Variants in UMAD1 observed in about 807,000 individuals in gnomAD.
UMAD1 encodes the protein UBAP1-MVB12-associated (UMA) domain containing 1.
In UMAD1, 8 loss-of-function variants were observed where a neutral mutation model predicts 6.1. The observed-to-expected ratio is 1.30, with a 90% CI of 0.76 to 2.35. The LOEUF (loss-of-function observed/expected upper bound fraction) is 2.35, where lower values mean the gene tolerates loss of function less well. UMAD1 is among the 30% of genes most tolerant of loss of function. The probability of loss-of-function intolerance (pLI) is 0.00; values close to 1 mark genes in which losing one functional copy is unlikely to be tolerated. For missense variants in UMAD1, 130 were observed against 78.4 expected, an observed-to-expected ratio of 1.66 and a Z score of -2.49; for synonymous variants, 56 against 31.4, an observed-to-expected ratio of 1.78 and a Z score of -2.61.
chr7:7,825,386 C>A (rs1337039546), intron 3 of UMAD1, among the ~76,000 whole-genome samples: 1 of 152,120 alleles, frequency 6.6e-6, no homozygotes, highest in African/African-American at 2.4e-5. Flanking sequence ...ATACCTGAGA[C>A]TGGGCATTTT....
rs1017881126 is a variant in UMAD1 at position 7,678,034 on chromosome 7, G to C, written c.82+4581G>C. Among the ~76,000 whole-genome samples the C allele has an allele frequency of 2.3e-4, 35 of 152,154 alleles. 1 individual carries two copies. Among genetic ancestry groups the C allele is most frequent in the South Asian group, 1.7e-3 (8 of 4,826 alleles). On this transcript the variant is annotated intron_variant, in intron 2 of 3. Transcript: ENST00000682710. ...TTCTATATGTTGGCTATTGTGAATA[G>C]TACTGCAATAAACATGGGAATGTGG...
intron 2 of UMAD1, among the ~76,000 whole-genome samples, chr7:7,766,955 A>G (rs1010987931): frequency 6.6e-6 from 1 of 152,144 alleles, no homozygotes; most frequent in African/African-American, 2.4e-5. Flanking sequence ...TTCTATAGGC[A>G]TTCTTGCCTA....
At chr7:7,678,725 A>C (rs1779827228) in intron 2 of UMAD1, among the ~76,000 whole-genome samples, 1 of 114,102 alleles carries the variant, frequency 8.8e-6, no homozygotes, top group Admixed American at 9.3e-5. Context: ...GTTTATAAAT[A>C]TATATTTATA....
intron 3 of UMAD1, among the ~76,000 whole-genome samples, chr7:7,856,111 C>T (rs375608783): frequency 1.3e-5 from 2 of 152,228 alleles, no homozygotes; most frequent in African/African-American, 4.8e-5. Context: ...TTCTAGTCTT[C>T]TTCTGAGTCC....
At chr7:7,719,146 A>G (rs1780990952) in intron 2 of UMAD1, among the ~76,000 whole-genome samples, 1 of 152,202 alleles carries the variant, frequency 6.6e-6, no homozygotes. Flanking sequence ...TAGAGAGCTA[A>G]AAACACCTTT....
intron 2 of UMAD1, among the ~76,000 whole-genome samples, chr7:7,801,321 A>T (rs1010974524): frequency 6.6e-6 from 1 of 152,246 alleles, no homozygotes; most frequent in African/African-American, 2.4e-5. Flanking sequence ...CCATATCATA[A>T]AAGAGTTTTT....
At chr7:7,673,869 C>A (rs1312039380) in intron 2 of UMAD1, among the ~76,000 whole-genome samples, 1 of 152,268 alleles carries the variant, frequency 6.6e-6, no homozygotes, top group South Asian at 2.1e-4. Context: ...ACTTTAAAAT[C>A]TAAATATGTT....
chr7:7,723,468 T>G (rs1781086926), intron 2 of UMAD1, among the ~76,000 whole-genome samples: 1 of 152,160 alleles, frequency 6.6e-6, no homozygotes, highest in Admixed American at 6.5e-5. Context: ...CTAATCTCCC[T>G]TGGTTTAATG....
intron 1 of UMAD1, among the ~76,000 whole-genome samples, chr7:7,645,537 C>A (rs112739887): frequency 5.8e-4 from 89 of 152,310 alleles, no homozygotes; most frequent in African/African-American, 2.1e-3. Flanking sequence ...GAAGTGGACC[C>A]GCATTCAGCT....
At chr7:7,730,281 T>G (rs944235233) in intron 2 of UMAD1, among the ~76,000 whole-genome samples, 1 of 152,164 alleles carries the variant, frequency 6.6e-6, no homozygotes, top group Non-Finnish European at 1.5e-5. Context: ...TGCGATTTAC[T>G]CCTAGAGATT....
intron 3 of UMAD1, among the ~76,000 whole-genome samples, chr7:7,869,838 C>T (rs1366280901): frequency 6.6e-6 from 1 of 152,102 alleles, no homozygotes; most frequent in Non-Finnish European, 1.5e-5. Context: ...TTTCAAACAC[C>T]CAAGAGCGAG....
intron 2 of UMAD1, among the ~76,000 whole-genome samples, chr7:7,680,047 G>A (rs1427286144): frequency 6.6e-6 from 1 of 151,980 alleles, no homozygotes. Flanking sequence ...TTAACTTGAT[G>A]TAATCCCATT....
chr7:7,688,767 C>T (rs1332290427), intron 2 of UMAD1, among the ~76,000 whole-genome samples: 1 of 152,080 alleles, frequency 6.6e-6, no homozygotes, highest in Non-Finnish European at 1.5e-5. Flanking sequence ...TAACCCGCTG[C>T]GTATTTTATA....
intron 1 of UMAD1, among the ~76,000 whole-genome samples, chr7:7,648,719 T>TG (rs2115547925): frequency 6.6e-6 from 1 of 151,456 alleles, no homozygotes; most frequent in African/African-American, 2.4e-5. Flanking sequence ...GCCATGGTGG[T>TG]GTGTGTGCCT....
intron 2 of UMAD1, among the ~76,000 whole-genome samples, chr7:7,707,572 TATTAA>T (rs1439492692): frequency 6.6e-6 from 1 of 152,224 alleles, no homozygotes; most frequent in Non-Finnish European, 1.5e-5. Flanking sequence ...TTTCACTACT[TATTAA>T]GTAGAATGCA....
intron 1 of UMAD1, among the ~76,000 whole-genome samples, chr7:7,653,104 A>G (rs1183785560): frequency 1.3e-5 from 2 of 152,146 alleles, no homozygotes; most frequent in African/African-American, 2.4e-5. Flanking sequence ...TTATGTGGAG[A>G]GATGCTTTTT....
chr7:7,759,862 A>T (rs1267189256), intron 2 of UMAD1, among the ~76,000 whole-genome samples: 1 of 152,212 alleles, frequency 6.6e-6, no homozygotes, highest in African/African-American at 2.4e-5. Flanking sequence ...TCTGGGAGAC[A>T]GTCTGCCATA....
chr7:7,719,418 G>T (rs190192104), intron 2 of UMAD1, among the ~76,000 whole-genome samples: 2 of 152,344 alleles, frequency 1.3e-5, no homozygotes, highest in Admixed American at 1.3e-4. Flanking sequence ...TCTCTGGCAA[G>T]CCCACATGAG....
At chr7:7,851,287 T>A (rs938280421) in intron 3 of UMAD1, among the ~76,000 whole-genome samples, 1 of 152,176 alleles carries the variant, frequency 6.6e-6, no homozygotes, top group African/African-American at 2.4e-5. Context: ...CTATACCACA[T>A]TTTGTTTATC....
Sources: gnomAD v4.1 joint callset for allele counts (sites outside exome capture counted in the v4.1 genomes callset) on GRCh38, gnomAD v4.1.1 for gene constraint, MANE v1.5 for transcripts, NCBI Gene and HGNC (gene_info 2026-07-23, HGNC 2026-07-21) for gene names.